The following CPNE4 variants were observed in gnomAD, a reference collection of about 807,000 sequenced individuals.
The protein encoded by CPNE4 is copine 4, also known as copine-4.
In CPNE4, 25 loss-of-function variants were observed where a neutral mutation model predicts 67.9. That is an observed-to-expected ratio of 0.37 (90% CI 0.27 to 0.51). The LOEUF (loss-of-function observed/expected upper bound fraction) is 0.51. Among genes scored for constraint, CPNE4 ranks in the 20% least tolerant of loss-of-function variants. The pLI is 0.93. For synonymous variants in CPNE4, 242 were observed against 244.9 expected (o/e 0.99, Z 0.11); for missense variants, 464 against 690.8 (o/e 0.67, Z 3.68).
intron 1 of CPNE4, among the ~76,000 whole-genome samples, chr3:132,000,570 A>G (rs547247221): frequency 2.3e-4 from 35 of 151,834 alleles, no homozygotes; most frequent in African/African-American, 6.7e-4. Context: ...AAAGCAAGGA[A>G]GAAGGCCATA....
At position 131,773,674 on chromosome 3, in the gene CPNE4, GA is replaced by G. The variant is rs1000435960; in HGVS notation, c.181-50050del. On this transcript the variant is annotated intron_variant, in intron 2 of 15. Coordinates refer to ENST00000429747, the MANE Select transcript of CPNE4 (RefSeq NM_130808.3). Reference sequence around the variant, plus strand: ...AGGAAGATTTAAATAAGACTTAAATGAAAAAAAAAATCACCTGTGATCTAAT... The same window carrying G: ...AGGAAGATTTAAATAAGACTTAAATGAAAAAAAAATCACCTGTGATCTAAT... Among the ~76,000 whole-genome samples, 79 of 148,878 alleles carry G rather than the reference GA, an allele frequency of 5.3e-4. 2 individuals are homozygous for G. The highest frequency in any genetic ancestry group is 9.0e-5 in the Non-Finnish European group (6 of 66,984).
chr3:132,032,139 T>A (rs1327326178), intron 1 of CPNE4, among the ~76,000 whole-genome samples: 1 of 152,162 alleles, frequency 6.6e-6, no homozygotes, highest in Non-Finnish European at 1.5e-5. Flanking sequence ...AAACAGGAAG[T>A]CTTTTAATTT....
At chr3:131,754,887 G>A (rs1352723142) in intron 2 of CPNE4, among the ~76,000 whole-genome samples, 2 of 152,110 alleles carry the variant, frequency 1.3e-5, no homozygotes, top group Non-Finnish European at 2.9e-5. Context: ...AGTAATTTAT[G>A]TTTTCAATGT....
intron 2 of CPNE4, among the ~76,000 whole-genome samples, chr3:131,740,465 C>T (rs945910260): frequency 1.3e-5 from 2 of 152,140 alleles, no homozygotes; most frequent in Non-Finnish European, 2.9e-5. Flanking sequence ...GATGCTCAAG[C>T]GAAAACCTTA....
At chr3:131,888,497 A>G (rs996132915) in intron 2 of CPNE4, among the ~76,000 whole-genome samples, 1 of 152,336 alleles carries the variant, frequency 6.6e-6, no homozygotes, top group African/African-American at 2.4e-5. Flanking sequence ...AGGGAGTTGA[A>G]CATTTCTGAT....
chr3:131,806,680 A>G (rs1462439163), intron 2 of CPNE4, among the ~76,000 whole-genome samples: 3 of 152,160 alleles, frequency 2.0e-5, no homozygotes, highest in African/African-American at 7.2e-5. Context: ...TTTATTTAAA[A>G]ATATCTCTTA....
upstream of CPNE4, among the ~76,000 whole-genome samples, chr3:132,036,341 C>T (rs1189949362): frequency 1.3e-5 from 2 of 152,036 alleles, no homozygotes; most frequent in Non-Finnish European, 2.9e-5. Context: ...GCCAGGACTT[C>T]CACAATGTCT....
intron 1 of CPNE4, among the ~76,000 whole-genome samples, chr3:131,994,706 C>A (rs562261276): frequency 3.3e-5 from 5 of 152,134 alleles, no homozygotes; most frequent in Non-Finnish European, 7.3e-5. Flanking sequence ...TAAAATAGCA[C>A]CTACTCCTCC....
intron 2 of CPNE4, among the ~76,000 whole-genome samples, chr3:131,889,716 A>G (rs985374949): frequency 3.3e-5 from 5 of 152,226 alleles, no homozygotes; most frequent in Non-Finnish European, 7.3e-5. Context: ...AATGTCAACC[A>G]ATGGCAACAC....
intron 2 of CPNE4, among the ~76,000 whole-genome samples, chr3:131,863,643 T>C (rs1452267542): frequency 6.6e-6 from 1 of 152,182 alleles, no homozygotes; most frequent in Non-Finnish European, 1.5e-5. Context: ...AATTTTCTCC[T>C]ATTTTGTAGG....
chr3:131,548,901 A>T (rs1936020598), intron 14 of CPNE4, among the ~76,000 whole-genome samples: 1 of 151,828 alleles, frequency 6.6e-6, no homozygotes. Context: ...AGTGCAGATT[A>T]TAAGTGGGAA....
intron 1 of CPNE4, among the ~76,000 whole-genome samples, chr3:131,986,135 C>T (rs1476664357): frequency 1.3e-5 from 2 of 151,726 alleles, no homozygotes; most frequent in African/African-American, 2.4e-5. Context: ...GATCATTTTA[C>T]AACTGCTTTA....
chr3:131,911,790 G>A (rs1263875422), intron 1 of CPNE4, among the ~76,000 whole-genome samples: 1 of 152,030 alleles, frequency 6.6e-6, no homozygotes, highest in African/African-American at 2.4e-5. Context: ...CTTACCTCCT[G>A]GTGCCTGCAC....
At chr3:131,729,247 C>A (rs2107757593) in intron 2 of CPNE4, among the ~76,000 whole-genome samples, 1 of 152,238 alleles carries the variant, frequency 6.6e-6, no homozygotes, top group Non-Finnish European at 1.5e-5. Context: ...TTAGGTATTC[C>A]TTCAAACTGA....
intron 1 of CPNE4, among the ~76,000 whole-genome samples, chr3:131,937,325 T>C (rs1188525055): frequency 6.6e-6 from 1 of 152,204 alleles, no homozygotes; most frequent in Admixed American, 6.5e-5. Context: ...TGCATCCGAT[T>C]TTTCTACAGA....
At chr3:131,665,360 T>C (rs2080230852) in intron 7 of CPNE4, among the ~76,000 whole-genome samples, 1 of 152,022 alleles carries the variant, frequency 6.6e-6, no homozygotes, top group South Asian at 2.1e-4. Context: ...CATTTTCAAG[T>C]AGTATGATTA....
chr3:132,028,993 T>C (rs1271805240), intron 1 of CPNE4, among the ~76,000 whole-genome samples: 1 of 152,094 alleles, frequency 6.6e-6, no homozygotes, highest in African/African-American at 2.4e-5. Flanking sequence ...AAGTAGCATT[T>C]ATCTACGCAC....
chr3:131,635,694 A>C (rs1044391672), intron 7 of CPNE4, among the ~76,000 whole-genome samples: 8 of 152,196 alleles, frequency 5.3e-5, no homozygotes, highest in African/African-American at 1.9e-4. Context: ...TCAATCTAAT[A>C]TCCTGCATAC....
intron 7 of CPNE4, among the ~76,000 whole-genome samples, chr3:131,634,762 T>A (rs943716935): frequency 2.0e-5 from 3 of 152,112 alleles, no homozygotes; most frequent in African/African-American, 7.2e-5. Context: ...GCTTAAAAAA[T>A]TTTTAGTTAT....
Sources: gnomAD v4.1 joint callset for allele counts (sites outside exome capture counted in the v4.1 genomes callset) on GRCh38, gnomAD v4.1.1 for gene constraint, MANE v1.5 for transcripts, NCBI Gene and HGNC (gene_info 2026-07-23, HGNC 2026-07-21) for gene names.